The following DOCK3 variants were observed in gnomAD, a reference collection of about 807,000 sequenced individuals.
DOCK3 encodes dedicator of cytokinesis protein 3.
In DOCK3, 60 loss-of-function variants were observed where a neutral mutation model predicts 265.6. The observed-to-expected ratio is 0.23, with a 90% CI of 0.18 to 0.28. The LOEUF (loss-of-function observed/expected upper bound fraction) is 0.28, where lower values mean the gene tolerates loss of function less well. Ranked by LOEUF, DOCK3 falls within the 10% of genes least tolerant of loss-of-function variation. The pLI is 1.00. For missense variants in DOCK3, 1,981 were observed against 2,594.3 expected (o/e 0.76, Z 5.14); for synonymous variants, 881 against 938.0 (o/e 0.94, Z 1.11).
At chr3:51,092,762 G>C (rs1378382612) in intron 9 of DOCK3, among the ~76,000 whole-genome samples, 1 of 152,168 alleles carries the variant, frequency 6.6e-6, no homozygotes, top group Non-Finnish European at 1.5e-5. Context: ...ATACAAGAGA[G>C]CTCTGGCTGG....
intron 35 of DOCK3, among the ~76,000 whole-genome samples, chr3:51,333,757 G>C (rs1439684753): frequency 6.6e-6 from 1 of 152,048 alleles, no homozygotes; most frequent in Non-Finnish European, 1.5e-5. Context: ...ATGTATTTCT[G>C]TCCCTTGGTC....
intron 5 of DOCK3, among the ~76,000 whole-genome samples, chr3:51,008,617 A>C (rs2078788144): frequency 6.6e-6 from 1 of 152,080 alleles, no homozygotes; most frequent in African/African-American, 2.4e-5. Context: ...AATACCCTTT[A>C]TTTCTTTCTC....
chr3:51,302,749 C>T (rs2082425576), intron 27 of DOCK3, among the ~76,000 whole-genome samples: 2 of 152,146 alleles, frequency 1.3e-5, no homozygotes, highest in African/African-American at 4.8e-5. Context: ...TATTGGCCCC[C>T]AATCTCTTCT....
rs1363172542 is a variant in DOCK3, at chr3:51,358,035, G to A, written c.4842G>A (p.Lys1614=). Residue 1614 remains lysine, a synonymous_variant, in exon 46 of 53, where the codon AAG becomes AAA. Coordinates refer to ENST00000266037, the MANE Select transcript of DOCK3 (RefSeq NM_004947.5). ...VHPEMRPLHK[K]LIDQFQMMRA... is the part of the protein sequence containing the mutation. ...CAGAAATGCGGCCTCTGCATAAGAA[G>A]CTAATTGATCAGTTCCAGATGATGC... 1 of 1,614,032 alleles carries A rather than the reference G, an allele frequency of 6.2e-7. No individual in the cohort carries two copies. Among genetic ancestry groups the A allele is most frequent in the Admixed American group, 1.7e-5 (1 of 60,024 alleles).
At chr3:50,875,896 G>T (rs1487106004) in intron 3 of DOCK3, among the ~76,000 whole-genome samples, 1 of 150,410 alleles carries the variant, frequency 6.6e-6, no homozygotes, top group African/African-American at 2.4e-5. Flanking sequence ...GAGAGTCTTC[G>T]CCTGTTCGCT....
At chr3:51,305,077 CTAGA>C (rs1274676689) in intron 27 of DOCK3, among the ~76,000 whole-genome samples, 2 of 152,160 alleles carry the variant, frequency 1.3e-5, no homozygotes, top group African/African-American at 2.4e-5. Context: ...TGTGTTAGAG[CTAGA>C]TAGTTTATAA....
At chr3:51,164,995 G>A (rs1487591013) in intron 12 of DOCK3, among the ~76,000 whole-genome samples, 1 of 132,426 alleles carries the variant, frequency 7.6e-6, no homozygotes, top group Non-Finnish European at 1.5e-5. Context: ...CTGGAGTGCA[G>A]TGGCGCAATC....
intron 1 of DOCK3, among the ~76,000 whole-genome samples, chr3:50,694,489 G>T (rs1425098693): frequency 6.6e-6 from 1 of 151,974 alleles, no homozygotes; most frequent in Non-Finnish European, 1.5e-5. Context: ...ACTGAGTTCA[G>T]AGTAATGGGT....
Position 51,229,574 on chromosome 3 carries a change from C to G in DOCK3, c.1882C>G (p.Arg628Gly). 1 of 1,606,472 alleles carries G rather than the reference C, an allele frequency of 6.2e-7. No homozygotes were observed. The highest frequency in any genetic ancestry group is 8.5e-7 in the Non-Finnish European group (1 of 1,176,340). The change falls in exon 19 of 53, where the codon CGG becomes GGG. Residue 628 changes from arginine (R) to glycine (G), a missense_variant. Arg to Gly is a moderately radical substitution (Grantham distance 125, BLOSUM62 -2). This residue lies in a region of DOCK3 where 1,357 missense variants were observed against 1,866.8 expected (regional missense o/e 0.73). Coordinates refer to ENST00000266037, the MANE Select transcript of DOCK3 (RefSeq NM_004947.5). ...FPDRIMDVLG[R>G]LRHVSGEEIV... ...CGACCGGATCATGGATGTACTAGGG[C>G]GGCTGCGGCATGTCAGTGGGGAGGA...
chr3:51,041,145 C>G (rs2080464304), intron 5 of DOCK3, among the ~76,000 whole-genome samples: 1 of 113,170 alleles, frequency 8.8e-6, no homozygotes, highest in Non-Finnish European at 1.7e-5. Flanking sequence ...TCTATGGCAC[C>G]TACAGCCTTA....
chr3:51,273,161 CAAA>C (rs1226921567), intron 24 of DOCK3, among the ~76,000 whole-genome samples: 10 of 60,624 alleles, frequency 1.6e-4, no homozygotes, highest in Admixed American at 3.8e-4. Context: ...GACTCTGTCT[CAAA>C]AAAAAAAAAA....
chr3:50,840,775 A>T (rs1312841054), intron 2 of DOCK3, among the ~76,000 whole-genome samples: 2 of 152,262 alleles, frequency 1.3e-5, no homozygotes, highest in Non-Finnish European at 2.9e-5. Context: ...GAGACTCAAG[A>T]TATAAAATGA....
intron 10 of DOCK3, among the ~76,000 whole-genome samples, 173 bp downstream of exon 10, chr3:51,146,803 AATT>A (rs1355915065): frequency 2.0e-5 from 3 of 152,180 alleles, no homozygotes; most frequent in Non-Finnish European, 4.4e-5. Flanking sequence ...AGAAAACTGA[AATT>A]ATATACAGTT....
chr3:50,675,123 T>A lies in DOCK3; in HGVS notation c.-141T>A. 2.2e-6 allele frequency: 1 copy of A among 456,922 alleles called. No homozygotes were observed. Among genetic ancestry groups the A allele is most frequent in the Non-Finnish European group, 2.9e-6 (1 of 344,896 alleles). The allele number at this position is 456,922 out of a possible 1,614,324, so 28.3% of individuals were successfully genotyped here. Reference sequence around the variant, plus strand: ...GGTGGCGGCGGCATCCCGGACGGCCTGTGAGGGATGCGCCGCCCACTGCCC... The same window carrying A: ...GGTGGCGGCGGCATCCCGGACGGCCAGTGAGGGATGCGCCGCCCACTGCCC... On this transcript the variant is annotated 5_prime_UTR_variant, in exon 1 of 53. Transcript: ENST00000266037. The surrounding 1 kb of genome is among the most constrained non-coding windows in gnomAD (Gnocchi z 6.1).
At chr3:51,205,883 A>G (rs1261061667) in intron 12 of DOCK3, among the ~76,000 whole-genome samples, 1 of 152,218 alleles carries the variant, frequency 6.6e-6, no homozygotes, top group Non-Finnish European at 1.5e-5. Flanking sequence ...TCATGAGTAG[A>G]CTGCAAAATT....
chr3:50,944,051 A>C (rs1308629853), intron 5 of DOCK3, among the ~76,000 whole-genome samples: 3 of 152,192 alleles, frequency 2.0e-5, no homozygotes, highest in Non-Finnish European at 1.5e-5. Context: ...ATTGATCTCT[A>C]TTTGCTGATA....
chr3:51,100,089 C>T (rs975778990), intron 9 of DOCK3, among the ~76,000 whole-genome samples: 1 of 152,142 alleles, frequency 6.6e-6, no homozygotes, highest in East Asian at 1.9e-4. Flanking sequence ...AGATGACAGA[C>T]GATGGTGGCT....
At chr3:50,715,128 T>C (rs936405) in intron 1 of DOCK3, among the ~76,000 whole-genome samples, 137,949 of 152,348 alleles carry the variant, frequency 0.91, 62,612 homozygotes, top group African/African-American at 0.95. Flanking sequence ...GGCATCTTGC[T>C]AGACACATGG....
chr3:50,793,774 C>T (rs573779475), intron 2 of DOCK3, among the ~76,000 whole-genome samples: 1 of 152,072 alleles, frequency 6.6e-6, no homozygotes. Flanking sequence ...TTCTTGTCTT[C>T]TACTAGCTTT....
Sources: allele counts gnomAD v4.1 joint callset (sites outside exome capture counted in the v4.1 genomes callset), GRCh38; gene constraint gnomAD v4.1.1; regional missense constraint gnomAD v4.1.1; non-coding constraint Gnocchi (gnomAD v3.1); transcripts MANE v1.5; gene names NCBI Gene and HGNC (gene_info 2026-07-23, HGNC 2026-07-21).